SETD7: variants seen among roughly 807,000 people sequenced by gnomAD.
SETD7 encodes the protein histone-lysine N-methyltransferase SETD7.
In SETD7, 16 loss-of-function variants were observed where a neutral mutation model predicts 41.8. The observed-to-expected ratio is 0.38, with a 90% CI of 0.26 to 0.58. The LOEUF (loss-of-function observed/expected upper bound fraction) is 0.58, where lower values mean the gene tolerates loss of function less well. Ranked by LOEUF, SETD7 falls within the 20% of genes least tolerant of loss-of-function variation. SETD7 has a pLI of 0.64. For synonymous variants in SETD7, 163 were observed against 169.7 expected (o/e 0.96, Z 0.31); for missense variants, 346 against 459.7 (o/e 0.75, Z 2.26).
intron 2 of SETD7, among the ~76,000 whole-genome samples, chr4:139,542,349 T>C (rs1727802689): frequency 6.6e-6 from 1 of 152,154 alleles, no homozygotes; most frequent in African/African-American, 2.4e-5. Context: ...GTGACTACAG[T>C]CAACAGTAAT....
chr4:139,543,419 T>C (rs554533620), intron 2 of SETD7, among the ~76,000 whole-genome samples: 3 of 152,348 alleles, frequency 2.0e-5, no homozygotes, highest in East Asian at 3.9e-4. Flanking sequence ...TTTTAGCAGA[T>C]GTCTCGTAAC....
rs2111119116 is a variant in SETD7 at position 139,509,916 on chromosome 4, C to T, written c.*1747G>A. On this transcript the variant is annotated 3_prime_UTR_variant, in exon 8 of 8. Coordinates refer to ENST00000274031, the MANE Select transcript of SETD7 (RefSeq NM_030648.4). ...ATCCAACTGGATCTCCCTGAAACCACTGCCACCTAGCTGCAAAGCATGCAA... is the reference window on the plus strand; with the variant it reads ...ATCCAACTGGATCTCCCTGAAACCATTGCCACCTAGCTGCAAAGCATGCAA... 1 of 984,120 alleles carries T rather than the reference C, an allele frequency of 1.0e-6. No homozygotes were observed. The highest frequency in any genetic ancestry group is 4.7e-5 in the South Asian group (1 of 21,262). The allele number at this position is 984,120 out of a possible 1,614,324, so 61.0% of individuals were successfully genotyped here. A position where few individuals can be genotyped will look rare whatever the true frequency, so the allele number is the denominator to read the frequency against.
chr4:139,529,352 G>A, intron 3 of SETD7, 132 bp from the exon 4 acceptor site: 1 of 634,772 alleles, frequency 1.6e-6, no homozygotes, highest in Non-Finnish European at 2.5e-6. Flanking sequence ...TAGGAACCCA[G>A]AGCTTTTCAC....
At position 139,498,386 on chromosome 4, in the gene SETD7, C is replaced by G. The variant is rs112711301; in HGVS notation, c.921-1865G>C. ...ACCAGACAACTAAAGACAGCCGGTA[C>G]ACCCCAGAATCTACTGAAGTTATTC... On this transcript the variant is annotated intron_variant, in intron 7 of 7. Coordinates refer to the SETD7 transcript ENST00000506866. Among the ~76,000 whole-genome samples the G allele has an allele frequency of 3.8e-3, 582 of 152,292 alleles. 4 individuals carry two copies. Among genetic ancestry groups the G allele is most frequent in the African/African-American group, 0.013 (547 of 41,562 alleles).
Position 139,533,222 on chromosome 4 carries a change from G to T in SETD7, c.315C>A (p.Ile105=). ...AQEYDTDGRL[I]FKGQYKDNIR... ...TGTTATCTTTATACTGCCCCTTGAA[G>T]ATCAGTCTCCCATCTGTGTCATATT... is the stretch of plus-strand genomic sequence containing the variant. Residue 105 remains isoleucine (I), a synonymous_variant, in exon 3 of 8, where the codon ATC becomes ATA. Coordinates refer to ENST00000274031, the MANE Select transcript of SETD7 (RefSeq NM_030648.4). 3 of 1,614,182 alleles carry T rather than the reference G, an allele frequency of 1.9e-6. No individual in the cohort carries two copies. The highest frequency in any genetic ancestry group is 2.5e-6 in the Non-Finnish European group (3 of 1,180,028).
At chr4:139,517,562 A>G (rs1727061650) in intron 7 of SETD7, among the ~76,000 whole-genome samples, 1 of 152,130 alleles carries the variant, frequency 6.6e-6, no homozygotes, top group Admixed American at 6.6e-5. Flanking sequence ...TATTTCAAAT[A>G]ACACTATCTT....
intron 4 of SETD7, among the ~76,000 whole-genome samples, chr4:139,525,467 C>G (rs895943506): frequency 2.0e-5 from 3 of 152,086 alleles, no homozygotes; most frequent in African/African-American, 2.4e-5. Context: ...TTCATTTATT[C>G]AATGGACAAA....
intron 2 of SETD7, among the ~76,000 whole-genome samples, chr4:139,535,262 G>C (rs533669683): frequency 1.3e-5 from 2 of 152,290 alleles, no homozygotes; most frequent in Admixed American, 6.5e-5. Flanking sequence ...AGCTAAGTTT[G>C]AATTTCAGAT....
At position 139,521,921 on chromosome 4, in the gene SETD7, C is replaced by G. The variant is rs532033917; in HGVS notation, c.644+1433G>C. Among the ~76,000 whole-genome samples, 30 of 152,350 alleles carry G rather than the reference C, an allele frequency of 2.0e-4. 1 individual carries two copies. The South Asian group carries it at 6.2e-3, about 32-fold the overall frequency. On this transcript the variant is annotated intron_variant, in intron 5 of 7. Transcript: ENST00000274031. The stretch of plus-strand genomic sequence containing the variant: ...AAACCTGGAGTCCAGCCTAGGCCAG[C>G]TGAGCTTAGCTGATTCCAGTCAGAA...
intron 3 of SETD7, chr4:139,532,791 A>C (rs1454063541): frequency 3.5e-6 from 1 of 287,060 alleles, no homozygotes; most frequent in Admixed American, 4.9e-5. Flanking sequence ...ACATATGAGA[A>C]ACAGGAAATA....
At chr4:139,548,233 C>A (rs1728014838) in intron 1 of SETD7, 1 of 152,196 alleles carries the variant, frequency 6.6e-6, no homozygotes, top group African/African-American at 2.4e-5. Flanking sequence ...GCAACACAAA[C>A]CATACTACCA....
intron 2 of SETD7, 32 bp downstream of exon 2, chr4:139,546,888 C>G (rs200671573): frequency 6.2e-7 from 1 of 1,613,804 alleles, no homozygotes; most frequent in Non-Finnish European, 8.5e-7. Context: ...ATTCGGTACC[C>G]CCAAAGAACA....
chr4:139,513,080 G>A (rs1726925576), intron 7 of SETD7, among the ~76,000 whole-genome samples: 1 of 151,990 alleles, frequency 6.6e-6, no homozygotes, highest in African/African-American at 2.4e-5. Context: ...TTTGCACAAA[G>A]GGTTGGTGAG....
intron 2 of SETD7, among the ~76,000 whole-genome samples, chr4:139,545,491 AAATATCTGAC>A (rs1196163875): frequency 6.6e-6 from 1 of 152,226 alleles, no homozygotes; most frequent in African/African-American, 2.4e-5. Flanking sequence ...AAAGGAAGTA[AAATATCTGAC>A]AATTTAAAAT....
At chr4:139,517,286 C>A (rs1043897085) in intron 7 of SETD7, among the ~76,000 whole-genome samples, 2 of 152,182 alleles carry the variant, frequency 1.3e-5, no homozygotes, top group East Asian at 1.9e-4. Flanking sequence ...ATTAGCCTGA[C>A]TGACATGGTG....
downstream of SETD7, among the ~76,000 whole-genome samples, chr4:139,493,540 ATTT>A (rs200493936): frequency 2.1e-5 from 3 of 139,834 alleles, no homozygotes; most frequent in Admixed American, 7.2e-5. Context: ...GTACTTTACT[ATTT>A]TTTTTTTTTT....
intron 1 of SETD7, chr4:139,547,973 A>C (rs1728009497): frequency 6.6e-6 from 1 of 152,224 alleles, no homozygotes; most frequent in African/African-American, 2.4e-5. Context: ...GTCAATGTTT[A>C]TGCTTTTTAT....
At position 139,555,287 on chromosome 4, in the gene SETD7, C is replaced by A. The variant is rs1560696120; in HGVS notation, c.40+811G>T. Among the ~76,000 whole-genome samples, 1 of 151,218 alleles carries A rather than the reference C, an allele frequency of 6.6e-6. No homozygotes were observed. The highest frequency in any genetic ancestry group is 1.5e-5 in the Non-Finnish European group (1 of 67,942). On this transcript the variant is annotated intron_variant, in intron 1 of 7. Coordinates refer to ENST00000274031, the MANE Select transcript of SETD7 (RefSeq NM_030648.4). The surrounding 1 kb of genome is among the most constrained non-coding windows in gnomAD (Gnocchi z 4.0). The stretch of plus-strand genomic sequence containing the variant: ...GGGGCGGAGAAACACGACACTGAGG[C>A]GGTGATATCACCCACAGCCAACGGC...
At chr4:139,539,769 A>G (rs1007006220) in intron 2 of SETD7, among the ~76,000 whole-genome samples, 1 of 152,232 alleles carries the variant, frequency 6.6e-6, no homozygotes, top group African/African-American at 2.4e-5. Flanking sequence ...ATTTGGTCCC[A>G]AGGGCAGAGC....
Sources: gnomAD v4.1 joint callset for allele counts (sites outside exome capture counted in the v4.1 genomes callset) on GRCh38, gnomAD v4.1.1 for gene constraint, Gnocchi (gnomAD v3.1) non-coding constraint, MANE v1.5 for transcripts, NCBI Gene and HGNC (gene_info 2026-07-23, HGNC 2026-07-21) for gene names.